PCDH11Y: variants seen among roughly 807,000 people sequenced by gnomAD.
The protein encoded by PCDH11Y is protocadherin-11 Y-linked.
For missense variants in PCDH11Y, 12 were observed against 224.8 expected (o/e 0.05, Z 6.05); for synonymous variants, 9 against 83.6 (o/e 0.11, Z 4.87).
intron 2 of PCDH11Y, among the ~76,000 whole-genome samples, chrY:5,429,821 C>T (rs2053266935): frequency 3.2e-5 from 1 of 31,383 alleles, no homozygotes; most frequent in South Asian, 7.2e-4. Flanking sequence ...AGGTGTATGC[C>T]ATGATGCTGG....
intron 1 of PCDH11Y, among the ~76,000 whole-genome samples, chrY:5,079,007 C>G: frequency 3.0e-5 from 1 of 33,533 alleles, no homozygotes; most frequent in Non-Finnish European, 7.4e-5. Context: ...GTAAATACAC[C>G]CATTCCAGAT....
chrY:5,128,551 TA>T (rs2052828639), intron 2 of PCDH11Y, among the ~76,000 whole-genome samples: 2 of 31,329 alleles, frequency 6.4e-5, no homozygotes, highest in Admixed American at 6.0e-4. Flanking sequence ...GGCTGTGCAT[TA>T]AAATTGCATT....
downstream of PCDH11Y, among the ~76,000 whole-genome samples, chrY:5,102,658 A>G: frequency 6.2e-5 from 2 of 32,408 alleles, no homozygotes; most frequent in South Asian, 1.4e-3. Context: ...TTGTTTTTTT[A>G]AAAATATTTT....
intron 2 of PCDH11Y, among the ~76,000 whole-genome samples, chrY:5,172,851 A>G (rs2052888434): frequency 3.4e-5 from 1 of 29,724 alleles, no homozygotes; most frequent in Non-Finnish European, 8.2e-5. Context: ...ATATAGAGGG[A>G]AAAAAAAAAC....
intron 1 of PCDH11Y, among the ~76,000 whole-genome samples, chrY:5,024,250 A>G: frequency 3.0e-5 from 1 of 33,353 alleles, no homozygotes. Flanking sequence ...GAAAATCATA[A>G]TTATCGGTGG....
intron 2 of PCDH11Y, among the ~76,000 whole-genome samples, chrY:5,187,647 C>T (rs2052907670): frequency 3.3e-5 from 1 of 30,693 alleles, no homozygotes; most frequent in African/African-American, 1.3e-4. Flanking sequence ...AAAAAAAAAA[C>T]ATTTTTCCCC....
intron 1 of PCDH11Y, among the ~76,000 whole-genome samples, chrY:5,066,124 G>A (rs2124629805): frequency 7.4e-5 from 2 of 26,915 alleles, no homozygotes; most frequent in African/African-American, 2.9e-4. Flanking sequence ...AGCCTTTCCT[G>A]GATGCTAGTA....
intron 2 of PCDH11Y, among the ~76,000 whole-genome samples, chrY:5,122,301 C>A (rs2124640172): frequency 1.5e-4 from 5 of 33,086 alleles, no homozygotes; most frequent in African/African-American, 5.9e-4. Flanking sequence ...CACTGTAACT[C>A]CCTTCTTAGC....
chrY:5,133,690 A>G, intron 2 of PCDH11Y, among the ~76,000 whole-genome samples: 1 of 31,690 alleles, frequency 3.2e-5, no homozygotes, highest in Non-Finnish European at 7.7e-5. Context: ...CCTCTCCCCA[A>G]CTTACCACCC....
At chrY:5,403,406 T>C (rs2124677260) in intron 2 of PCDH11Y, among the ~76,000 whole-genome samples, 1 of 33,350 alleles carries the variant, frequency 3.0e-5, no homozygotes, top group African/African-American at 1.2e-4. Context: ...ACCATTCTAT[T>C]TGCAGAAATT....
intron 2 of PCDH11Y, among the ~76,000 whole-genome samples, chrY:5,133,541 A>G (rs2052836016): frequency 3.3e-5 from 1 of 30,639 alleles, no homozygotes; most frequent in East Asian, 8.5e-4. Flanking sequence ...AAACAATCCA[A>G]TTATACTTTT....
intron 2 of PCDH11Y, among the ~76,000 whole-genome samples, chrY:5,385,820 G>A (rs868628069): frequency 0.022 from 720 of 33,362 alleles, no homozygotes; most frequent in Middle Eastern, 0.19. Flanking sequence ...GTTGAGACAT[G>A]TCTATTCATG....
intron 2 of PCDH11Y, among the ~76,000 whole-genome samples, chrY:5,136,459 T>C: frequency 1.5e-4 from 5 of 32,781 alleles, no homozygotes; most frequent in Non-Finnish European, 3.8e-4. Flanking sequence ...TCCCCACGAA[T>C]GGATCCAAAC....
At chrY:5,032,860 T>A in intron 3 of PCDH11Y, 1 of 144,963 alleles carries the variant, frequency 6.9e-6, no homozygotes, top group Admixed American at 1.3e-4. Context: ...GTTTTGAGTT[T>A]AAAATGTTAA....
intron 2 of PCDH11Y, among the ~76,000 whole-genome samples, chrY:5,353,820 A>C: frequency 6.3e-5 from 2 of 31,953 alleles, no homozygotes; most frequent in Non-Finnish European, 1.5e-4. Flanking sequence ...CAACATGGAG[A>C]AGCCCCTGTC....
intron 4 of PCDH11Y, among the ~76,000 whole-genome samples, chrY:5,688,367 A>C: frequency 1.6e-4 from 5 of 30,649 alleles, no homozygotes; most frequent in African/African-American, 2.5e-4. Context: ...AATGACTTAA[A>C]TCCTGTTTCT....
chrY:5,037,003 T>A, intron 3 of PCDH11Y: 1 of 85,808 alleles, frequency 1.2e-5, no homozygotes, highest in Admixed American at 2.0e-4. Flanking sequence ...GTGAGAATGG[T>A]AAAATGAGCT....
At chrY:5,736,522 A>ATAT (rs2053609601) in intron 4 of PCDH11Y, among the ~76,000 whole-genome samples, 2 of 32,234 alleles carry the variant, frequency 6.2e-5, no homozygotes, top group East Asian at 1.6e-3. Context: ...GCTCTCAAGT[A>ATAT]AACTTTATAT....
chrY:5,561,205 C>T, intron 3 of PCDH11Y, among the ~76,000 whole-genome samples: 1 of 23,936 alleles, frequency 4.2e-5, no homozygotes, highest in Non-Finnish European at 9.6e-5. Flanking sequence ...TACCCAATGA[C>T]TGTACTCCCA....
Sources: allele counts gnomAD v4.1 joint callset (sites outside exome capture counted in the v4.1 genomes callset), GRCh38; gene constraint gnomAD v4.1.1; transcripts MANE v1.5; gene names NCBI Gene and HGNC (gene_info 2026-07-23, HGNC 2026-07-21).